The following TRPV5 variants were observed in gnomAD, a reference collection of about 807,000 sequenced individuals.
The protein encoded by TRPV5 is calcium transport protein 2.
Under a neutral mutation model 74.1 loss-of-function variants are expected in TRPV5, and 66 were observed. The ratio of observed to expected loss-of-function variants is 0.89; its 90% CI spans 0.73 to 1.09. The LOEUF (loss-of-function observed/expected upper bound fraction) is 1.09. TRPV5 is among the 50% of genes least tolerant of loss of function. The pLI is 0.00. For synonymous variants in TRPV5, 399 were observed against 360.7 expected (o/e 1.11, Z -1.20); for missense variants, 936 against 930.4 (o/e 1.01, Z -0.08).
intron 8 of TRPV5, among the ~76,000 whole-genome samples, chr7:142,921,278 T>C (rs1269891223): frequency 6.6e-6 from 1 of 152,170 alleles, no homozygotes; most frequent in Non-Finnish European, 1.5e-5. Context: ...CAATCCACCA[T>C]TTTTTTAAAT....
rs4252425 is a variant in TRPV5, at chr7:142,927,141, C to A, written c.909+947G>T. Reference sequence around the variant, plus strand: ...TTTTTTCTCTCATCTTCCTGTGACTCCCAATTCTTCCTTGAAGATCCAGCC... The same window carrying A: ...TTTTTTCTCTCATCTTCCTGTGACTACCAATTCTTCCTTGAAGATCCAGCC... On this transcript the variant is annotated intron_variant, in intron 7 of 14. Coordinates refer to ENST00000265310, the MANE Select transcript of TRPV5 (RefSeq NM_019841.7). 9.9e-3 allele frequency among the ~76,000 whole-genome samples: 1,505 copies of A among 152,258 alleles called. 22 individuals are homozygous for A. Among genetic ancestry groups the A allele is most frequent in the African/African-American group, 0.034 (1,416 of 41,550 alleles).
chr7:142,920,160 C>T (rs1461478712), intron 8 of TRPV5, among the ~76,000 whole-genome samples: 1 of 152,126 alleles, frequency 6.6e-6, no homozygotes, highest in African/African-American at 2.4e-5. Context: ...AAGTTGAGAA[C>T]CGCTGGGCCA....
rs1796062018 is a variant in TRPV5 at position 142,930,152 on chromosome 7, T to C, written c.255A>G (p.Ile85Met). 1 of 1,613,998 alleles carries C rather than the reference T, an allele frequency of 6.2e-7. No individual in the cohort carries two copies. The highest frequency in any genetic ancestry group is 8.5e-7 in the Non-Finnish European group (1 of 1,180,026). ...CCTCCAAGTTGTCATAGAGGGCTGC[T>C]ATGTGCAGCGCCGTCTCCCCCAGGG... ...RGALGETALH[I>M]AALYDNLEAA... The change falls in exon 3 of 15, where the codon ATA becomes ATG. Residue 85 changes from isoleucine to methionine, a missense_variant. Transcript: ENST00000265310.
intron 8 of TRPV5, 29 bp downstream of exon 8, chr7:142,925,500 C>A (rs372166444): frequency 1.9e-6 from 3 of 1,611,804 alleles, no homozygotes; most frequent in Admixed American, 1.7e-5. Flanking sequence ...TGATGCAATT[C>A]TCTCTCATCC....
In TRPV5 at chr7:142,928,713, G is replaced by A. The variant is rs759952390; in HGVS notation, c.740C>T (p.Ala247Val). 3.7e-6 allele frequency: 6 copies of A among 1,614,002 alleles called. No individual in the cohort carries two copies. In the South Asian group the frequency reaches 5.5e-5, roughly 15 times the overall value. ...TACCACAGTGTTACCCTCCACTCCA[G>A]CCAGCTTGAAGGGGGTGAGACCCTG... ...NHQGLTPFKLAGVEGNTVMFQ... is the reference protein window; with the variant it reads ...NHQGLTPFKLVGVEGNTVMFQ... The change falls in exon 6 of 15, where the codon GCT becomes GTT. Residue 247 changes from alanine (A) to valine (V), a missense_variant. Ala to Val is a moderately conservative substitution (Grantham distance 64). Coordinates refer to ENST00000265310, the MANE Select transcript of TRPV5 (RefSeq NM_019841.7).
chr7:142,928,194 C>T lies in TRPV5; in HGVS notation c.803G>A (p.Trp268Ter). The T allele has an allele frequency of 6.2e-7, 1 of 1,614,156 alleles. No individual in the cohort carries two copies. The highest frequency in any genetic ancestry group is 8.5e-7 in the Non-Finnish European group (1 of 1,180,004). Residue 268 changes from tryptophan (W) to a stop codon, truncating the protein, a stop_gained, in exon 7 of 15, where the codon TGG becomes TAG. Coordinates refer to ENST00000265310, the MANE Select transcript of TRPV5 (RefSeq NM_019841.7). LOFTEE classifies it high-confidence loss of function. ...HLMQKRRHIQ[W>*]TYGPLTSILY... ...AATGGAGGTCAGGGGTCCATACGTC[C>T]ACTGGATGTGCCTCCGCTTCTGCAT...
rs745449939 is a variant in TRPV5, at chr7:142,915,583, T to G, written c.1123-15A>C. 1.9e-6 allele frequency: 3 copies of G among 1,612,994 alleles called. No homozygotes were observed. The African/African-American group carries it at 4.0e-5, about 22-fold the overall frequency. ...TCATAGGCCTCCTATGTGGGGAAAT[T>G]CAGAAGAAGTGCTTTCTGATGGGCA... On this transcript the variant is annotated splice_polypyrimidine_tract_variant and intron_variant, in intron 8 of 14. Coordinates refer to ENST00000265310, the MANE Select transcript of TRPV5 (RefSeq NM_019841.7).
At chr7:142,929,633 C>G (rs1452218057) in intron 3 of TRPV5, 68 bp from the exon 4 acceptor site, 16 of 1,584,862 alleles carry the variant, frequency 1.0e-5, no homozygotes, top group Non-Finnish European at 1.4e-5. Context: ...ACAGCATCCC[C>G]CACCATCCCT....
chr7:142,929,230 C>T, intron 4 of TRPV5, 110 bp from the exon 5 acceptor site: 10 of 1,490,114 alleles, frequency 6.7e-6, no homozygotes, highest in Non-Finnish European at 9.1e-6. Flanking sequence ...CAGTTCTAGG[C>T]TGAGGGACAC....
chr7:142,925,493 T>G, intron 8 of TRPV5, 36 bp downstream of exon 8: 1 of 1,608,412 alleles, frequency 6.2e-7, no homozygotes, highest in Non-Finnish European at 8.5e-7. Context: ...CACCCCTTGA[T>G]GCAATTCTCT....
chr7:142,929,328 C>T, intron 4 of TRPV5, 100 bp downstream of exon 4: 1 of 1,555,672 alleles, frequency 6.4e-7, no homozygotes, highest in Non-Finnish European at 8.7e-7. Context: ...TCTCAACTGC[C>T]CAACAGATGG....
chr7:142,910,410 A>G (rs1208944831), intron 13 of TRPV5, among the ~76,000 whole-genome samples: 1 of 152,196 alleles, frequency 6.6e-6, no homozygotes, highest in African/African-American at 2.4e-5. Context: ...AGCTTTAGGT[A>G]CCCTTAGCAT....
chr7:142,912,805 G>A (rs1468726959), intron 12 of TRPV5, 55 bp from the exon 13 acceptor site: 81 of 1,569,364 alleles, frequency 5.2e-5, no homozygotes, highest in Non-Finnish European at 6.9e-5. Context: ...ATCACAATAA[G>A]CATGGACATG....
chr7:142,927,648 G>A (rs774437323), intron 7 of TRPV5, among the ~76,000 whole-genome samples: 25 of 152,156 alleles, frequency 1.6e-4, no homozygotes, highest in African/African-American at 4.8e-4. Context: ...TTAAACAACC[G>A]GATCTTGTGA....
intron 7 of TRPV5, among the ~76,000 whole-genome samples, chr7:142,925,948 C>T (rs1301730514): frequency 6.6e-6 from 1 of 151,996 alleles, no homozygotes; most frequent in Non-Finnish European, 1.5e-5. Flanking sequence ...ACACAAGGCA[C>T]CATAGCACCA....
At position 142,908,797 on chromosome 7, in the gene TRPV5, T is replaced by C. The variant is rs751275845; in HGVS notation, c.1907A>G (p.His636Arg). 1.2e-6 allele frequency: 2 copies of C among 1,611,420 alleles called. No homozygotes were observed. The highest frequency in any genetic ancestry group is 2.2e-5 in the East Asian group (1 of 44,852). Residue 636 changes from histidine to arginine, a missense_variant, in exon 15 of 15, where the codon CAC (histidine) becomes CGC (arginine). His to Arg is a conservative substitution (Grantham distance 29). Coordinates refer to ENST00000265310, the MANE Select transcript of TRPV5 (RefSeq NM_019841.7). Reference sequence around the variant, plus strand: ...CACTCGCAGAGGATTCTGATCATTGTGGTTCTCAACCCTGATAAGGGGAAA... The same window carrying C: ...CACTCGCAGAGGATTCTGATCATTGCGGTTCTCAACCCTGATAAGGGGAAA... ...GDRWFLRVEN[H>R]NDQNPLRVLR... is the part of the protein sequence containing the mutation.
At position 142,912,623 on chromosome 7, in the gene TRPV5, C is replaced by T; in HGVS notation, c.1647G>A (p.Val549=). ...CAATGCTGAACATGAAGGGCAAGTCCACGTCGTAGTTGGCAGGTGCATCAA... is the reference window on the plus strand; with the variant it reads ...CAATGCTGAACATGAAGGGCAAGTCTACGTCGTAGTTGGCAGGTGCATCAA... ...TVIDAPANYD[V]DLPFMFSIVN... The change falls in exon 13 of 15, where the codon GTG becomes GTA. Residue 549 remains valine (V), a synonymous_variant. Transcript: ENST00000265310. 6.2e-7 allele frequency: 1 copy of T among 1,614,192 alleles called. No individual in the cohort carries two copies. The highest frequency in any genetic ancestry group is 1.3e-5 in the African/African-American group (1 of 75,060).
At position 142,915,846 on chromosome 7, in the gene TRPV5, T is replaced by C. The variant is rs1374281034; in HGVS notation, c.1123-278A>G. ...AGATGCTGTAAGCAGAAATTTATGA[T>C]GTATATACTGAGCAGCTGAGAACAC... is the stretch of plus-strand genomic sequence containing the variant. On this transcript the variant is annotated intron_variant, in intron 8 of 14. Transcript: ENST00000265310. Among the ~76,000 whole-genome samples the C allele has an allele frequency of 2.0e-5, 3 of 152,350 alleles. No individual in the cohort carries two copies. The East Asian group carries it at 5.8e-4, about 29-fold the overall frequency.
Position 142,912,559 on chromosome 7 carries a change from G to C in TRPV5, c.1711C>G (p.Leu571Val). Residue 571 changes from leucine to valine, a missense_variant, in exon 13 of 15, where the codon CTC (leucine) becomes GTC (valine). Leu to Val is a conservative substitution (Grantham distance 32). Coordinates refer to ENST00000265310, the MANE Select transcript of TRPV5 (RefSeq NM_019841.7). ...AFTIIATLLM[L>V]NLFIAMMGDT... ...CCCATCATGGCGATGAACAAGTTGAGCATGAGCAGTGTGGCAATGATGGTG... is the reference window on the plus strand; with the variant it reads ...CCCATCATGGCGATGAACAAGTTGACCATGAGCAGTGTGGCAATGATGGTG... 6.2e-7 allele frequency: 1 copy of C among 1,614,176 alleles called. No homozygotes were observed. Among genetic ancestry groups the C allele is most frequent in the Non-Finnish European group, 8.5e-7 (1 of 1,179,978 alleles).
Sources: gnomAD v4.1 joint callset for allele counts (sites outside exome capture counted in the v4.1 genomes callset) on GRCh38, gnomAD v4.1.1 for gene constraint, MANE v1.5 for transcripts, NCBI Gene and HGNC (gene_info 2026-07-23, HGNC 2026-07-21) for gene names.